Variants in ZNF124 observed in about 807,000 individuals in gnomAD.
ZNF124 encodes zinc finger protein 124, also known as zinc finger protein HZF-16.
In ZNF124, 25 loss-of-function variants were observed where a neutral mutation model predicts 26.6. The observed-to-expected ratio is 0.94, with a 90% CI of 0.68 to 1.31. The LOEUF is 1.31. Among genes scored for constraint, ZNF124 ranks in the 40% most tolerant of loss-of-function variants. The probability of loss-of-function intolerance (pLI) is 0.00; values close to 1 mark genes in which losing one functional copy is unlikely to be tolerated. For missense variants in ZNF124, 444 were observed against 422.2 expected (o/e 1.05, Z -0.45); for synonymous variants, 129 against 133.3 (o/e 0.97, Z 0.22).
intron 3 of ZNF124, among the ~76,000 whole-genome samples, chr1:247,137,548 G>A (rs1197012594): frequency 3.3e-5 from 5 of 149,350 alleles, no homozygotes; most frequent in African/African-American, 9.9e-5. Flanking sequence ...GGACATAGGC[G>A]TGGGCAACTT....
chr1:247,166,964 CTAAAA>C (rs976567772), intron 1 of ZNF124, among the ~76,000 whole-genome samples: 9 of 152,102 alleles, frequency 5.9e-5, no homozygotes, highest in African/African-American at 1.4e-4. Flanking sequence ...AGATTTATCC[CTAAAA>C]TAAAATGGTT....
chr1:247,159,979 C>CTTTTT lies in ZNF124; in HGVS notation c.31-171_31-167dup, dbSNP rs1212199135. 265 of 147,702 alleles carry CTTTTT rather than the reference C, an allele frequency of 1.8e-3. 1 individual carries two copies. The highest frequency in any genetic ancestry group is 2.8e-3 in the East Asian group (11 of 3,894). 9.1% of individuals were successfully genotyped at this position (147,702 alleles called of 1,614,324 possible). Reference sequence around the variant, plus strand: ...ACTTCCTTTCTCCCACATAGCAGTTCTTTTTTTTTTTTTTTTTTTTTTTTT... The same window carrying CTTTTT: ...ACTTCCTTTCTCCCACATAGCAGTTCTTTTTTTTTTTTTTTTTTTTTTTTTTTTTT... On this transcript the variant is annotated intron_variant, in intron 1 of 3. Coordinates refer to ENST00000543802, the MANE Select transcript of ZNF124 (RefSeq NM_001297568.2).
intron 3 of ZNF124, among the ~76,000 whole-genome samples, chr1:247,139,963 G>A (rs1360424660): frequency 2.0e-5 from 3 of 152,144 alleles, no homozygotes; most frequent in Admixed American, 6.5e-5. Flanking sequence ...TGATTATTGT[G>A]TGTCTTGGGG....
At chr1:247,123,330 G>A (rs1672124264) in exon 4 of ZNF124, 1 of 152,836 alleles carries the variant, frequency 6.5e-6, no homozygotes, top group Non-Finnish European at 1.5e-5. Flanking sequence ...CTGAGTAGCT[G>A]GGACCGCAGG....
At chr1:247,170,487 C>T (rs976038299) in intron 1 of ZNF124, among the ~76,000 whole-genome samples, 18 of 147,964 alleles carry the variant, frequency 1.2e-4, no homozygotes, top group Non-Finnish European at 1.6e-4. Context: ...CAGGGGAAAC[C>T]AGTACCCTTG....
rs1211652561 is a variant in ZNF124 at position 247,157,423 on chromosome 1, G to A, written c.219-20C>T. On this transcript the variant is annotated intron_variant, in intron 3 of 3. Coordinates refer to ENST00000543802, the MANE Select transcript of ZNF124 (RefSeq NM_001297568.2). ...ATGTGCCTATGAAGGGATGAATGAC[G>A]TATGAAGAATTTTTCACACACAATG... 9.7e-6 allele frequency: 15 copies of A among 1,548,872 alleles called. No individual in the cohort carries two copies. Among genetic ancestry groups the A allele is most frequent in the Admixed American group, 3.9e-5 (2 of 51,004 alleles).
intron 1 of ZNF124, among the ~76,000 whole-genome samples, chr1:247,164,612 A>C (rs1296194587): frequency 1.3e-5 from 2 of 152,086 alleles, no homozygotes; most frequent in Non-Finnish European, 2.9e-5. Context: ...AAACAAAACA[A>C]ACAGAGATGA....
rs33998996 is a variant in ZNF124 at position 247,156,803 on chromosome 1, G to T, written c.819C>A (p.Tyr273Ter). 5.8e-3 allele frequency: 9,297 copies of T among 1,613,992 alleles called. 36 individuals carry two copies. Among genetic ancestry groups the T allele is most frequent in the Non-Finnish European group, 6.5e-3 (7,665 of 1,179,960 alleles). Reference sequence around the variant, plus strand: ...TCTCGTGTTTCTGAAGGGAACTGGCGTATCTGAAGGCTTTCCCACATTGCT... The same window carrying T: ...TCTCGTGTTTCTGAAGGGAACTGGCTTATCTGAAGGCTTTCCCACATTGCT... The part of the protein sequence containing the change: ...PCKQCGKAFR[Y>*]ASSLQKHEKT... The change falls in exon 4 of 4, where the codon TAC (tyrosine) becomes TAA (stop). Residue 273 changes from tyrosine to a stop codon, truncating the protein, a stop_gained. Transcript: ENST00000543802. LOFTEE classifies it high-confidence loss of function.
chr1:247,143,627 A>T (rs1672685184), intron 3 of ZNF124, among the ~76,000 whole-genome samples: 1 of 152,130 alleles, frequency 6.6e-6, no homozygotes, highest in Non-Finnish European at 1.5e-5. Context: ...CTCCTGAGAG[A>T]CTCCATCTGA....
chr1:247,160,923 T>G (rs1357408309), intron 1 of ZNF124, among the ~76,000 whole-genome samples: 1 of 152,208 alleles, frequency 6.6e-6, no homozygotes, highest in Non-Finnish European at 1.5e-5. Context: ...AATAATTATT[T>G]TACAATTTCT....
intron 1 of ZNF124, among the ~76,000 whole-genome samples, chr1:247,170,328 A>C (rs1300673382): frequency 6.6e-6 from 1 of 151,290 alleles, no homozygotes; most frequent in Non-Finnish European, 1.5e-5. Context: ...ACAAATAATT[A>C]ATAATGTTGT....
At chr1:247,135,739 C>G (rs1672467288) in intron 3 of ZNF124, among the ~76,000 whole-genome samples, 1 of 152,146 alleles carries the variant, frequency 6.6e-6, no homozygotes, top group Non-Finnish European at 1.5e-5. Flanking sequence ...AAGAAGACTT[C>G]AGGCCAATAA....
In ZNF124 at chr1:247,168,552, CAA is replaced by C. The variant is rs544238759; in HGVS notation, c.30+3294_30+3295del. ...CTGTCTCAATTAAAAAACAAACAAA[CAA>C]AAACACTTGCACACGCATGTTAACA... On this transcript the variant is annotated intron_variant, in intron 1 of 3. Coordinates refer to ENST00000543802, the MANE Select transcript of ZNF124 (RefSeq NM_001297568.2). The surrounding 1 kb of genome is among the most constrained non-coding windows in gnomAD (Gnocchi z 4.0). 1.3e-5 allele frequency among the ~76,000 whole-genome samples: 2 copies of C among 150,370 alleles called. No individual in the cohort carries two copies. Among genetic ancestry groups the C allele is most frequent in the South Asian group, 4.2e-4 (2 of 4,818 alleles).
At chr1:247,152,880 T>C (rs1444336117), downstream of ZNF124, among the ~76,000 whole-genome samples, 1 of 152,178 alleles carries the variant, frequency 6.6e-6, no homozygotes, top group Non-Finnish European at 1.5e-5. Flanking sequence ...TTAAAATTAC[T>C]TATCTAGCTT....
At chr1:247,125,999 C>G (rs967846662) in intron 3 of ZNF124, among the ~76,000 whole-genome samples, 1 of 151,124 alleles carries the variant, frequency 6.6e-6, no homozygotes, top group Non-Finnish European at 1.5e-5. Context: ...CACAGTGGCT[C>G]ACACCTATAA....
Position 247,156,443 on chromosome 1 carries a change from A to G in ZNF124, c.*123T>C, listed in dbSNP as rs922822586. On this transcript the variant is annotated 3_prime_UTR_variant, in exon 4 of 4. Transcript: ENST00000543802. ...AGTCATAGGGTTTATCTCCAGTTTG[A>G]TTCGTTTCATGTATTTGAGGAAATC... 38 of 1,342,386 alleles carry G rather than the reference A, an allele frequency of 2.8e-5. No homozygotes were observed. The highest frequency in any genetic ancestry group is 3.6e-5 in the Non-Finnish European group (38 of 1,046,984). The allele number at this position is 1,342,386 out of a possible 1,614,324, so 83.2% of individuals were successfully genotyped here.
At chr1:247,132,887 A>G (rs1011701180) in intron 3 of ZNF124, among the ~76,000 whole-genome samples, 7 of 152,146 alleles carry the variant, frequency 4.6e-5, no homozygotes, top group African/African-American at 1.7e-4. Context: ...CTTAAAAGGG[A>G]CGGAATTGCT....
intron 3 of ZNF124, among the ~76,000 whole-genome samples, chr1:247,139,391 C>T (rs746776490): frequency 1.3e-5 from 2 of 152,194 alleles, no homozygotes; most frequent in Non-Finnish European, 2.9e-5. Context: ...TATTTTGATC[C>T]TAGGTCACTG....
intron 1 of ZNF124, among the ~76,000 whole-genome samples, chr1:247,169,302 G>A (rs1330086208): frequency 1.3e-5 from 2 of 152,164 alleles, no homozygotes; most frequent in African/African-American, 4.8e-5. Context: ...GAGAGACCAC[G>A]TACTCAAGGA....
Sources: gnomAD v4.1 joint callset for allele counts (sites outside exome capture counted in the v4.1 genomes callset) on GRCh38, gnomAD v4.1.1 for gene constraint, Gnocchi (gnomAD v3.1) non-coding constraint, MANE v1.5 for transcripts, NCBI Gene and HGNC (gene_info 2026-07-23, HGNC 2026-07-21) for gene names.